SYT1: variants seen among roughly 807,000 people sequenced by gnomAD.
The protein encoded by SYT1 is synaptotagmin-1.
Under a neutral mutation model 44.8 loss-of-function variants are expected in SYT1, and 8 were observed. The observed-to-expected ratio is 0.18, with a 90% confidence interval of 0.10 to 0.32. The LOEUF (loss-of-function observed/expected upper bound fraction) is 0.32. SYT1 is among the 10% of genes least tolerant of loss of function. The probability of loss-of-function intolerance (pLI) is 1.00; values close to 1 mark genes in which losing one functional copy is unlikely to be tolerated. For synonymous variants in SYT1, 154 were observed against 188.8 expected (o/e 0.82, Z 1.51); for missense variants, 286 against 509.3 (o/e 0.56, Z 4.22).
intron 6 of SYT1, 138 bp downstream of exon 6, chr12:79,292,268 TTTC>T: frequency 9.0e-7 from 1 of 1,111,856 alleles, no homozygotes; most frequent in Non-Finnish European, 1.2e-6. Flanking sequence ...GATGAAATAA[TTTC>T]TAAGAACAGG....
At chr12:78,983,820 A>C (rs1869442530) in intron 2 of SYT1, among the ~76,000 whole-genome samples, 1 of 152,116 alleles carries the variant, frequency 6.6e-6, no homozygotes, top group Admixed American at 6.6e-5. Flanking sequence ...TGCAAAAGTA[A>C]AGAATCAAGG....
In SYT1 at chr12:79,187,267, T is replaced by C. The variant is rs537618554; in HGVS notation, c.-17-30236T>C. 3.3e-5 allele frequency among the ~76,000 whole-genome samples: 5 copies of C among 152,174 alleles called. No homozygotes were observed. The East Asian group carries it at 9.7e-4, about 29-fold the overall frequency. ...AAGAACTGCACCCAAAATAGCTTTT[T>C]AAAAGTCATTGAGCATAACAGTGGG... On this transcript the variant is annotated intron_variant, in intron 3 of 10. Coordinates refer to ENST00000261205, the MANE Select transcript of SYT1 (RefSeq NM_005639.3).
intron 2 of SYT1, among the ~76,000 whole-genome samples, chr12:79,026,667 T>TTTTATA (rs1298013189): frequency 4.1e-4 from 42 of 102,256 alleles, no homozygotes; most frequent in Admixed American, 1.6e-3. Context: ...CATATATATT[T>TTTTATA]TATATATATA....
At chr12:78,950,625 A>G (rs1263906813) in intron 1 of SYT1, among the ~76,000 whole-genome samples, 1 of 152,178 alleles carries the variant, frequency 6.6e-6, no homozygotes, top group East Asian at 1.9e-4. Context: ...ACGGCAAAAC[A>G]AATCTTCAAA....
chr12:79,106,811 G>A (rs912240666), intron 3 of SYT1, among the ~76,000 whole-genome samples: 3 of 151,952 alleles, frequency 2.0e-5, no homozygotes, highest in African/African-American at 7.2e-5. Flanking sequence ...TGCATCTTAA[G>A]TGAGGGGTTA....
chr12:78,980,320 C>A (rs1869155323), intron 2 of SYT1, among the ~76,000 whole-genome samples: 1 of 152,110 alleles, frequency 6.6e-6, no homozygotes, highest in Non-Finnish European at 1.5e-5. Context: ...TTAATTTTTG[C>A]TTCCTACATA....
At chr12:79,338,861 C>T (rs949820649) in intron 8 of SYT1, among the ~76,000 whole-genome samples, 6 of 151,930 alleles carry the variant, frequency 3.9e-5, no homozygotes, top group African/African-American at 1.2e-4. Flanking sequence ...ATGTTCCCCA[C>T]CCTGTGTCCA....
chr12:79,412,304 C>T (rs746555901), intron 9 of SYT1, among the ~76,000 whole-genome samples: 11 of 152,068 alleles, frequency 7.2e-5, no homozygotes, highest in African/African-American at 2.7e-4. Flanking sequence ...TTACTTGGGG[C>T]ACTCTTCCCT....
intron 9 of SYT1, among the ~76,000 whole-genome samples, chr12:79,440,795 T>C (rs1201646025): frequency 6.6e-6 from 1 of 152,148 alleles, no homozygotes; most frequent in African/African-American, 2.4e-5. Flanking sequence ...AAAATTGTAT[T>C]CTTAAAGCAC....
chr12:79,259,466 G>A (rs1348214233), intron 4 of SYT1, among the ~76,000 whole-genome samples: 1 of 152,200 alleles, frequency 6.6e-6, no homozygotes, highest in African/African-American at 2.4e-5. Context: ...GGATGTGGTG[G>A]CTCATGCCTA....
chr12:78,902,292 A>AT (rs1340870314), intron 1 of SYT1, among the ~76,000 whole-genome samples: 4 of 152,022 alleles, frequency 2.6e-5, no homozygotes, highest in African/African-American at 9.7e-5. Context: ...ATGCCCACTG[A>AT]TTCTTGAAAA....
intron 4 of SYT1, among the ~76,000 whole-genome samples, chr12:79,248,929 A>T (rs1245129493): frequency 6.6e-6 from 1 of 152,066 alleles, no homozygotes; most frequent in Non-Finnish European, 1.5e-5. Context: ...TAGAGGTAGG[A>T]TATCCTTGGC....
intron 2 of SYT1, among the ~76,000 whole-genome samples, chr12:79,001,284 T>C (rs1436207629): frequency 1.3e-5 from 2 of 151,932 alleles, no homozygotes; most frequent in African/African-American, 2.4e-5. Flanking sequence ...CCCCTATCCT[T>C]CTAATGAAGC....
At chr12:79,400,445 C>G (rs950394448) in intron 9 of SYT1, among the ~76,000 whole-genome samples, 1 of 152,162 alleles carries the variant, frequency 6.6e-6, no homozygotes, top group African/African-American at 2.4e-5. Flanking sequence ...AGTTATTGAT[C>G]TCCCTGTCAA....
At chr12:79,222,794 C>T in intron 4 of SYT1, among the ~76,000 whole-genome samples, 1 of 152,012 alleles carries the variant, frequency 6.6e-6, no homozygotes, top group East Asian at 1.9e-4. Context: ...TTCTTCATTT[C>T]CTCTCATTCT....
intron 1 of SYT1, among the ~76,000 whole-genome samples, chr12:78,876,913 TTA>T (rs1874197776): frequency 2.5e-5 from 3 of 119,222 alleles, no homozygotes; most frequent in African/African-American, 9.4e-5. Flanking sequence ...ATTATATGTA[TTA>T]TATATAATAT....
intron 3 of SYT1, among the ~76,000 whole-genome samples, chr12:79,175,356 G>T (rs1253883302): frequency 6.6e-6 from 1 of 151,918 alleles, no homozygotes. Context: ...AAATACTTTT[G>T]ACTTCACTCG....
intron 3 of SYT1, among the ~76,000 whole-genome samples, chr12:79,173,108 A>C (rs913346156): frequency 6.6e-6 from 1 of 151,744 alleles, no homozygotes; most frequent in Non-Finnish European, 1.5e-5. Context: ...ACCTTTTCAC[A>C]TCAGAGTCCT....
At chr12:79,255,485 T>C (rs1185165382) in intron 4 of SYT1, among the ~76,000 whole-genome samples, 1 of 152,200 alleles carries the variant, frequency 6.6e-6, no homozygotes, top group African/African-American at 2.4e-5. Context: ...ATTCATTTTA[T>C]TGTGGTGGTT....
Sources: gnomAD v4.1 joint callset for allele counts (sites outside exome capture counted in the v4.1 genomes callset) on GRCh38, gnomAD v4.1.1 for gene constraint, MANE v1.5 for transcripts, NCBI Gene and HGNC (gene_info 2026-07-23, HGNC 2026-07-21) for gene names.